ZFPM2: variants seen among roughly 807,000 people sequenced by gnomAD.
ZFPM2 encodes the protein zinc finger protein, FOG family member 2, also known as zinc finger protein ZFPM2.
Under a neutral mutation model 98.6 loss-of-function variants are expected in ZFPM2, and 20 were observed. That is an observed-to-expected ratio of 0.20 (90% CI 0.14 to 0.29). The LOEUF (loss-of-function observed/expected upper bound fraction) is 0.29. Among genes scored for constraint, ZFPM2 ranks in the 10% least tolerant of loss-of-function variants. The pLI is 1.00. For synonymous variants in ZFPM2, 518 were observed against 502.7 expected (o/e 1.03, Z -0.41); for missense variants, 1,310 against 1,388.6 (o/e 0.94, Z 0.90).
At chr8:105,736,474 CT>C (rs1343524256) in intron 5 of ZFPM2, among the ~76,000 whole-genome samples, 1 of 151,834 alleles carries the variant, frequency 6.6e-6, no homozygotes, top group African/African-American at 2.4e-5. Flanking sequence ...AAAATAAAGA[CT>C]TTTTTTCCCA....
At chr8:105,722,215 A>C (rs1308028934) in intron 5 of ZFPM2, among the ~76,000 whole-genome samples, 2 of 151,380 alleles carry the variant, frequency 1.3e-5, no homozygotes, top group African/African-American at 4.8e-5. Flanking sequence ...TTCCTTCCCC[A>C]CCCTGCTTCC....
At chr8:105,711,504 A>G (rs979586712) in intron 5 of ZFPM2, among the ~76,000 whole-genome samples, 2 of 152,074 alleles carry the variant, frequency 1.3e-5, no homozygotes, top group African/African-American at 4.8e-5. Context: ...ACCTGGCTCA[A>G]ATCCTCTCTT....
intron 3 of ZFPM2, among the ~76,000 whole-genome samples, chr8:105,487,275 G>C (rs571340108): frequency 2.0e-5 from 3 of 152,022 alleles, no homozygotes; most frequent in Non-Finnish European, 4.4e-5. Context: ...GCACCACCAT[G>C]CCCGGCTGCT....
At chr8:105,421,637 A>G (rs1236645372) in intron 2 of ZFPM2, among the ~76,000 whole-genome samples, 6 of 152,212 alleles carry the variant, frequency 3.9e-5, no homozygotes, top group Non-Finnish European at 8.8e-5. Flanking sequence ...TACAATGGAA[A>G]GAGAATATTT....
chr8:105,799,684 A>C (rs1356917674), intron 7 of ZFPM2, among the ~76,000 whole-genome samples: 1 of 152,220 alleles, frequency 6.6e-6, no homozygotes, highest in Non-Finnish European at 1.5e-5. Context: ...ATTTATTCAA[A>C]TGTACAGAAT....
Position 105,393,332 on chromosome 8 carries a change from CTTTGCCTT to C in ZFPM2, c.41-25810_41-25803del, listed in dbSNP as rs780949085. On this transcript the variant is annotated intron_variant, in intron 1 of 7. Transcript: ENST00000407775. ...TCCTTTCTTCCTTCCCTCTCTCTCTCTTTGCCTTTCTTTCTTTCTTTCTTTCTTTCTTT... is the reference window on the plus strand; with the variant it reads ...TCCTTTCTTCCTTCCCTCTCTCTCTCTCTTTCTTTCTTTCTTTCTTTCTTT... 6.6e-3 allele frequency among the ~76,000 whole-genome samples: 291 copies of C among 44,192 alleles called. 5 individuals carry two copies. The highest frequency in any genetic ancestry group is 0.02 in the East Asian group (16 of 818). The allele number at this position is 44,192 out of a possible 152,430, so 29.0% of individuals were successfully genotyped here.
chr8:105,549,633 A>G (rs1158372038), intron 3 of ZFPM2, among the ~76,000 whole-genome samples: 1 of 143,454 alleles, frequency 7.0e-6, no homozygotes, highest in African/African-American at 2.6e-5. Context: ...TTTAATTGAG[A>G]CAGGGGCTCA....
chr8:105,328,334 AT>A (rs1192422586), intron 1 of ZFPM2, among the ~76,000 whole-genome samples: 3 of 151,812 alleles, frequency 2.0e-5, no homozygotes, highest in Non-Finnish European at 4.4e-5. Context: ...TAAAAGTTTA[AT>A]TTCTCCTTGA....
At chr8:105,594,440 C>A (rs1337961428) in intron 4 of ZFPM2, among the ~76,000 whole-genome samples, 1 of 152,070 alleles carries the variant, frequency 6.6e-6, no homozygotes, top group African/African-American at 2.4e-5. Context: ...GTATTTACTA[C>A]TTTAACTCAG....
At chr8:105,588,191 T>C (rs1372515413) in intron 4 of ZFPM2, among the ~76,000 whole-genome samples, 1 of 152,156 alleles carries the variant, frequency 6.6e-6, no homozygotes, top group East Asian at 1.9e-4. Context: ...TGAATTAAAA[T>C]GCATTAGGTG....
At chr8:105,509,836 T>G (rs1237555003) in intron 3 of ZFPM2, among the ~76,000 whole-genome samples, 1 of 152,204 alleles carries the variant, frequency 6.6e-6, no homozygotes, top group East Asian at 1.9e-4. Context: ...TAAAATAAAG[T>G]TAATGCTATT....
intron 3 of ZFPM2, among the ~76,000 whole-genome samples, chr8:105,490,818 A>G (rs1466420175): frequency 6.6e-6 from 1 of 152,222 alleles, no homozygotes; most frequent in Admixed American, 6.5e-5. Context: ...AATGATGTGT[A>G]CAAAATACAG....
intron 5 of ZFPM2, among the ~76,000 whole-genome samples, chr8:105,691,230 A>ATTTTTTTTTT (rs1405040871): frequency 1.2e-5 from 1 of 83,284 alleles, no homozygotes; most frequent in African/African-American, 6.3e-5. Context: ...TCCCAAAGAG[A>ATTTTTTTTTT]CTTTTTTTTT....
intron 5 of ZFPM2, among the ~76,000 whole-genome samples, chr8:105,779,785 G>C (rs1451643106): frequency 6.6e-6 from 1 of 152,170 alleles, no homozygotes; most frequent in Non-Finnish European, 1.5e-5. Context: ...ATTGTGCAGA[G>C]ACTGATTTCA....
At chr8:105,335,715 G>T (rs540780368) in intron 1 of ZFPM2, among the ~76,000 whole-genome samples, 4 of 151,842 alleles carry the variant, frequency 2.6e-5, no homozygotes, top group East Asian at 1.9e-4. Context: ...CCAGAGCAAG[G>T]CCTAGTAGAA....
At chr8:105,771,808 G>A (rs1812983110) in intron 5 of ZFPM2, among the ~76,000 whole-genome samples, 1 of 152,106 alleles carries the variant, frequency 6.6e-6, no homozygotes, top group African/African-American at 2.4e-5. Flanking sequence ...TCTGTTTGTG[G>A]AGTTACAATG....
chr8:105,560,166 T>G (rs1371212248), intron 3 of ZFPM2, among the ~76,000 whole-genome samples: 1 of 112,212 alleles, frequency 8.9e-6, no homozygotes, highest in Non-Finnish European at 1.7e-5. Flanking sequence ...CGAAACTCTG[T>G]CTCAAAAAAA....
At chr8:105,543,334 AAAT>A (rs1218082213) in intron 3 of ZFPM2, among the ~76,000 whole-genome samples, 1 of 152,106 alleles carries the variant, frequency 6.6e-6, no homozygotes, top group Non-Finnish European at 1.5e-5. Context: ...GAAGATACAA[AAAT>A]TAGCCTAGCT....
intron 1 of ZFPM2, among the ~76,000 whole-genome samples, chr8:105,333,600 A>T (rs531889871): frequency 6.6e-6 from 1 of 151,844 alleles, no homozygotes; most frequent in South Asian, 2.1e-4. Flanking sequence ...CAGCAATTCT[A>T]CATATCCCAT....
Sources: gnomAD v4.1 joint callset for allele counts (sites outside exome capture counted in the v4.1 genomes callset) on GRCh38, gnomAD v4.1.1 for gene constraint, MANE v1.5 for transcripts, NCBI Gene and HGNC (gene_info 2026-07-23, HGNC 2026-07-21) for gene names.